Variants in FBXW8 observed in about 807,000 individuals in gnomAD.
The protein encoded by FBXW8 is F-box/WD repeat-containing protein 8.
In FBXW8, 57 loss-of-function variants were observed where a neutral mutation model predicts 65.3. The observed-to-expected ratio is 0.87, with a 90% CI of 0.71 to 1.09. The LOEUF (loss-of-function observed/expected upper bound fraction) is 1.09. FBXW8 is among the 50% of genes least tolerant of loss of function. The pLI is 0.00. For synonymous variants in FBXW8, 308 were observed against 330.2 expected (o/e 0.93, Z 0.73); for missense variants, 777 against 814.8 (o/e 0.95, Z 0.57).
chr12:117,003,161 G>T (rs1313025558), intron 7 of FBXW8: 1 of 152,264 alleles, frequency 6.6e-6, no homozygotes. Flanking sequence ...AATCGACTTT[G>T]TGTGTTCATT....
chr12:116,914,752 G>A (rs10744885), intron 1 of FBXW8, among the ~76,000 whole-genome samples: 103,041 of 151,870 alleles, frequency 0.68, 39,691 homozygotes, highest in Non-Finnish European at 0.84. Flanking sequence ...GTGGGTGCCT[G>A]TAATCCCAGC....
At chr12:116,987,734 C>A (rs960675394) in intron 6 of FBXW8, among the ~76,000 whole-genome samples, 18 of 152,122 alleles carry the variant, frequency 1.2e-4, no homozygotes, top group East Asian at 5.8e-4. Context: ...ACCAAAAAAA[C>A]CCCAACCTTT....
At chr12:117,017,883 C>T (rs938726549) in intron 8 of FBXW8, among the ~76,000 whole-genome samples, 7 of 152,100 alleles carry the variant, frequency 4.6e-5, no homozygotes, top group Non-Finnish European at 1.0e-4. Flanking sequence ...GTTGTGACCC[C>T]CCAATTACAG....
rs914802119 is a variant in FBXW8, at chr12:117,028,411, A to G, written c.*239A>G. ...CAACTCAAACATAGCCTCCTTCCCC[A>G]CCCAGCTGGCCACCCTGGCCTCAGC... On this transcript the variant is annotated 3_prime_UTR_variant, in exon 11 of 11. Transcript: ENST00000652555. The surrounding 1 kb of genome is among the most constrained non-coding windows in gnomAD (Gnocchi z 4.1). 3 of 549,588 alleles carry G rather than the reference A, an allele frequency of 5.5e-6. No individual in the cohort carries two copies. In the African/African-American group the frequency reaches 5.7e-5, roughly 10 times the overall value. 34.0% of individuals were successfully genotyped at this position (549,588 alleles called of 1,614,324 possible).
chr12:116,974,543 A>G (rs927649480), intron 5 of FBXW8, among the ~76,000 whole-genome samples: 2 of 152,266 alleles, frequency 1.3e-5, no homozygotes, highest in Admixed American at 6.5e-5. Flanking sequence ...TTAATTTTGC[A>G]TCAGAATAAA....
intron 1 of FBXW8, among the ~76,000 whole-genome samples, chr12:116,927,400 G>A (rs994163677): frequency 6.6e-6 from 1 of 152,208 alleles, no homozygotes; most frequent in African/African-American, 2.4e-5. Flanking sequence ...GCCCCTGAGA[G>A]CATTAGGAAA....
chr12:117,005,148 G>A (rs1953645171), intron 7 of FBXW8, among the ~76,000 whole-genome samples: 1 of 152,208 alleles, frequency 6.6e-6, no homozygotes, highest in Non-Finnish European at 1.5e-5. Flanking sequence ...TTTTGGGTAG[G>A]ATGGAGCAGT....
chr12:116,991,163 T>G (rs1226284802), intron 7 of FBXW8, among the ~76,000 whole-genome samples: 1 of 120,668 alleles, frequency 8.3e-6, no homozygotes, highest in Non-Finnish European at 2.0e-5. Flanking sequence ...CAAACACTCA[T>G]GTGGGTGAAT....
Position 117,010,388 on chromosome 12 carries a change from C to A in FBXW8, c.1305C>A (p.Phe435Leu). The A allele has an allele frequency of 1.2e-6, 2 of 1,614,196 alleles. No individual in the cohort carries two copies. Among genetic ancestry groups the A allele is most frequent in the Non-Finnish European group, 1.7e-6 (2 of 1,180,016 alleles). ...AGCTGGGTAACGTTCTCCGTGACTT[C>A]ACGTGTGTCAACCTCAGCGACAGCC... The part of the protein sequence containing the change: ...LLKLGNVLRD[F>L]TCVNLSDSPP... Residue 435 changes from phenylalanine to leucine, a missense_variant, in exon 8 of 11, where the codon TTC becomes TTA. Coordinates refer to ENST00000652555, the MANE Select transcript of FBXW8 (RefSeq NM_153348.3).
chr12:116,929,551 A>T (rs1011724508), intron 2 of FBXW8, among the ~76,000 whole-genome samples: 4 of 151,998 alleles, frequency 2.6e-5, no homozygotes, highest in Admixed American at 1.3e-4. Flanking sequence ...TTCTTTTTTT[A>T]AAAATTTCAT....
At chr12:116,929,559 C>T (rs1881607802) in intron 2 of FBXW8, among the ~76,000 whole-genome samples, 1 of 151,880 alleles carries the variant, frequency 6.6e-6, no homozygotes, top group Admixed American at 6.6e-5. Flanking sequence ...TTAAAAATTT[C>T]ATTTTATTTT....
intron 4 of FBXW8, among the ~76,000 whole-genome samples, chr12:116,953,812 A>G (rs1217255855): frequency 7.0e-6 from 1 of 142,962 alleles, no homozygotes; most frequent in East Asian, 2.1e-4. Flanking sequence ...ACAAACAAAC[A>G]AAAAACAAGA....
chr12:117,027,592 C>A, intron 10 of FBXW8, 88 bp downstream of exon 10: 1 of 1,007,858 alleles, frequency 9.9e-7, no homozygotes, highest in Non-Finnish European at 1.5e-6. Context: ...ACATTGCACC[C>A]TATGGGCTAT....
At chr12:116,990,792 A>G (rs7294581) in intron 7 of FBXW8, among the ~76,000 whole-genome samples, 5,077 of 152,230 alleles carry the variant, frequency 0.033, 274 homozygotes, top group African/African-American at 0.12. Flanking sequence ...ACTCAACTAA[A>G]AGCATTAACT....
At chr12:116,996,101 GCATCATT>G (rs939851420) in intron 7 of FBXW8, among the ~76,000 whole-genome samples, 35 of 152,288 alleles carry the variant, frequency 2.3e-4, no homozygotes, top group African/African-American at 8.2e-4. Flanking sequence ...AGGGCTCTTA[GCATCATT>G]CTATGTATTT....
At chr12:117,013,583 A>G (rs1440305632) in intron 8 of FBXW8, among the ~76,000 whole-genome samples, 1 of 152,160 alleles carries the variant, frequency 6.6e-6, no homozygotes, top group Non-Finnish European at 1.5e-5. Flanking sequence ...TGCCTAGCAC[A>G]GTATATTTTC....
chr12:116,924,529 G>A (rs1309611773), intron 1 of FBXW8, among the ~76,000 whole-genome samples: 2 of 152,120 alleles, frequency 1.3e-5, no homozygotes, highest in South Asian at 4.2e-4. Context: ...CATTCCTCCT[G>A]TCTAGCTGCA....
chr12:117,023,686 G>A (rs955790563), intron 8 of FBXW8, among the ~76,000 whole-genome samples: 1 of 152,202 alleles, frequency 6.6e-6, no homozygotes, highest in African/African-American at 2.4e-5. Context: ...AACTTACAAA[G>A]TCAAGTGAAA....
chr12:116,925,016 A>G (rs998668911), intron 1 of FBXW8, among the ~76,000 whole-genome samples: 1 of 152,156 alleles, frequency 6.6e-6, no homozygotes, highest in African/African-American at 2.4e-5. Context: ...AGGTGTGCTT[A>G]AGAAACCTTG....
Sources: gnomAD v4.1 joint callset for allele counts (sites outside exome capture counted in the v4.1 genomes callset) on GRCh38, gnomAD v4.1.1 for gene constraint, Gnocchi (gnomAD v3.1) non-coding constraint, MANE v1.5 for transcripts, NCBI Gene and HGNC (gene_info 2026-07-23, HGNC 2026-07-21) for gene names.